DCC: variants seen among roughly 807,000 people sequenced by gnomAD.
DCC encodes the protein netrin receptor DCC.
In DCC, 58 loss-of-function variants were observed where a neutral mutation model predicts 172.5. The observed-to-expected ratio is 0.34, with a 90% CI of 0.27 to 0.42. The LOEUF is 0.42. Ranked by LOEUF, DCC falls within the 10% of genes least tolerant of loss-of-function variation. The pLI is 1.00. For synonymous variants in DCC, 709 were observed against 644.5 expected, an observed-to-expected ratio of 1.10 and a Z score of -1.52; for missense variants, 1,740 against 1,791.0, an observed-to-expected ratio of 0.97 and a Z score of 0.51.
intron 1 of DCC, among the ~76,000 whole-genome samples, chr18:52,652,399 C>T (rs1476423108): frequency 6.6e-6 from 1 of 152,256 alleles, no homozygotes; most frequent in Non-Finnish European, 1.5e-5. Flanking sequence ...TTGCAAGAAC[C>T]CAGCAAGAGT....
At chr18:52,730,235 G>A (rs2036617091) in intron 1 of DCC, among the ~76,000 whole-genome samples, 1 of 152,138 alleles carries the variant, frequency 6.6e-6, no homozygotes, top group South Asian at 2.1e-4. Context: ...CACAACTGGA[G>A]AGGGAGAAGG....
chr18:52,834,612 T>C (rs1477985037), intron 2 of DCC, among the ~76,000 whole-genome samples: 1 of 152,184 alleles, frequency 6.6e-6, no homozygotes, highest in Non-Finnish European at 1.5e-5. Flanking sequence ...ATGTGTGCCT[T>C]CTACACCAAA....
intron 1 of DCC, among the ~76,000 whole-genome samples, chr18:52,654,757 A>T (rs1262040562): frequency 6.6e-6 from 1 of 152,118 alleles, no homozygotes; most frequent in Non-Finnish European, 1.5e-5. Context: ...TAAAGCTTTA[A>T]CATACCCCCT....
intron 1 of DCC, among the ~76,000 whole-genome samples, chr18:52,452,062 A>T (rs376550185): frequency 6.6e-6 from 1 of 152,076 alleles, no homozygotes; most frequent in East Asian, 1.9e-4. Context: ...CAGTTTGCAG[A>T]TAGAGGGAGT....
chr18:52,807,449 A>G (rs1700637519), intron 2 of DCC, among the ~76,000 whole-genome samples: 1 of 152,240 alleles, frequency 6.6e-6, no homozygotes, highest in Non-Finnish European at 1.5e-5. Flanking sequence ...ACACTTTGTC[A>G]AAGAGAAAGC....
At chr18:52,573,222 T>C (rs1406096443) in intron 1 of DCC, among the ~76,000 whole-genome samples, 1 of 152,070 alleles carries the variant, frequency 6.6e-6, no homozygotes, top group African/African-American at 2.4e-5. Flanking sequence ...TAAAAATACA[T>C]ATTTAAATGT....
chr18:53,030,582 T>C (rs1326601905), intron 5 of DCC, among the ~76,000 whole-genome samples: 1 of 152,128 alleles, frequency 6.6e-6, no homozygotes, highest in Non-Finnish European at 1.5e-5. Flanking sequence ...TGTGCTATCT[T>C]GAGTAATAAC....
chr18:52,565,145 T>G (rs1175137450), intron 1 of DCC, among the ~76,000 whole-genome samples: 2 of 152,092 alleles, frequency 1.3e-5, no homozygotes, highest in African/African-American at 4.8e-5. Context: ...TTTTAAACAT[T>G]TATATTTTTT....
rs992698990 is a variant in DCC, at chr18:52,951,226, TTC to T, written c.985+25858_985+25859del. 4.6e-5 allele frequency among the ~76,000 whole-genome samples: 7 copies of T among 152,118 alleles called. No homozygotes were observed. The East Asian group carries it at 5.8e-4, about 13-fold the overall frequency. The stretch of plus-strand genomic sequence containing the variant: ...TATTTTCAGAGTTCTAGTCCAGAAT[TTC>T]TGTTACACTAACCTGCCTCCATAGG... On this transcript the variant is annotated intron_variant, in intron 5 of 28. Coordinates refer to ENST00000442544, the MANE Select transcript of DCC (RefSeq NM_005215.4).
chr18:53,217,093 G>A (rs943903704), intron 12 of DCC, among the ~76,000 whole-genome samples: 1 of 151,994 alleles, frequency 6.6e-6, no homozygotes, highest in Admixed American at 6.6e-5. Context: ...GCTATTTTGT[G>A]TTTGTGTGTT....
intron 2 of DCC, among the ~76,000 whole-genome samples, chr18:52,773,847 T>G (rs1230632758): frequency 6.6e-6 from 1 of 152,040 alleles, no homozygotes; most frequent in Non-Finnish European, 1.5e-5. Flanking sequence ...TATATATTTT[T>G]TAAAGGTGGG....
intron 1 of DCC, among the ~76,000 whole-genome samples, chr18:52,513,709 C>A (rs2144652211): frequency 6.6e-6 from 1 of 152,274 alleles, no homozygotes; most frequent in South Asian, 2.1e-4. Flanking sequence ...AGGTCCCTTT[C>A]CTCCATACTA....
chr18:52,746,330 A>G (rs553859904), intron 1 of DCC, among the ~76,000 whole-genome samples: 5 of 152,322 alleles, frequency 3.3e-5, no homozygotes, highest in African/African-American at 1.2e-4. Context: ...TATGCATAGC[A>G]AGTTCTATGG....
intron 2 of DCC, among the ~76,000 whole-genome samples, chr18:52,881,922 C>T (rs2039491704): frequency 6.6e-6 from 1 of 152,018 alleles, no homozygotes; most frequent in African/African-American, 2.4e-5. Flanking sequence ...CTGATTCTTC[C>T]AATCCATGAA....
chr18:52,393,746 G>C (rs1402898740), intron 1 of DCC, among the ~76,000 whole-genome samples: 2 of 151,998 alleles, frequency 1.3e-5, no homozygotes, highest in African/African-American at 4.8e-5. Flanking sequence ...AAAAGTGATT[G>C]TTAAAACTAA....
intron 1 of DCC, among the ~76,000 whole-genome samples, chr18:52,715,249 A>G (rs910041126): frequency 6.6e-6 from 1 of 150,452 alleles, no homozygotes; most frequent in South Asian, 2.1e-4. Context: ...CTATCAGCAA[A>G]CAATCCTGCA....
intron 24 of DCC, among the ~76,000 whole-genome samples, chr18:53,462,601 T>C (rs929474248): frequency 2.0e-5 from 3 of 151,994 alleles, no homozygotes; most frequent in Non-Finnish European, 4.4e-5. Context: ...AAGTGCACAA[T>C]AAAGGTAATA....
At chr18:52,497,295 A>ATATATGTGTG (rs1568198534) in intron 1 of DCC, among the ~76,000 whole-genome samples, 9 of 54,964 alleles carry the variant, frequency 1.6e-4, no homozygotes, top group South Asian at 4.9e-4. Flanking sequence ...ATATATATAT[A>ATATATGTGTG]TATATATATA....
rs1460727027 is a variant in DCC, at chr18:53,390,444, C to T, written c.2456-1211C>T. On this transcript the variant is annotated intron_variant, in intron 16 of 28. Coordinates refer to ENST00000442544, the MANE Select transcript of DCC (RefSeq NM_005215.4). Reference sequence around the variant, plus strand: ...AGCAGTCACTCCACTTTAAACTAGGCTGTTGAAAAAAATAAACCCTGTATT... The same window carrying T: ...AGCAGTCACTCCACTTTAAACTAGGTTGTTGAAAAAAATAAACCCTGTATT... Among the ~76,000 whole-genome samples the T allele has an allele frequency of 3.9e-5, 6 of 152,048 alleles. No individual in the cohort carries two copies. The East Asian group carries it at 1.2e-3, about 29-fold the overall frequency.
Sources: allele counts gnomAD v4.1 joint callset (sites outside exome capture counted in the v4.1 genomes callset), GRCh38; gene constraint gnomAD v4.1.1; transcripts MANE v1.5; gene names NCBI Gene and HGNC (gene_info 2026-07-23, HGNC 2026-07-21).